Variants in NUP160 observed in about 807,000 individuals in gnomAD.
NUP160 encodes nucleoporin 160.
In NUP160, 94 loss-of-function variants were observed where a neutral mutation model predicts 196.9. The observed-to-expected ratio is 0.48, with a 90% CI of 0.40 to 0.57. The LOEUF (loss-of-function observed/expected upper bound fraction) is 0.57. Ranked by LOEUF, NUP160 falls within the 20% of genes least tolerant of loss-of-function variation. The pLI is 0.00. For synonymous variants in NUP160, 605 were observed against 619.7 expected (o/e 0.98, Z 0.35); for missense variants, 1,638 against 1,748.3 (o/e 0.94, Z 1.13).
intron 23 of NUP160, among the ~76,000 whole-genome samples, chr11:47,801,098 G>A (rs1258635425): frequency 1.3e-5 from 2 of 152,116 alleles, no homozygotes; most frequent in Non-Finnish European, 2.9e-5. Context: ...AAGAGGGGCA[G>A]GAAACAGGTC....
intron 7 of NUP160, among the ~76,000 whole-genome samples, chr11:47,822,841 T>G (rs1443834854): frequency 6.6e-6 from 1 of 152,198 alleles, no homozygotes; most frequent in Non-Finnish European, 1.5e-5. Flanking sequence ...GTCCTTGTGA[T>G]AGTTTTCTCA....
chr11:47,809,465 G>A (rs1278655758), intron 17 of NUP160, among the ~76,000 whole-genome samples: 1 of 151,356 alleles, frequency 6.6e-6, no homozygotes, highest in Non-Finnish European at 1.5e-5. Flanking sequence ...TGTACAGAAA[G>A]TGGCCAGGCA....
chr11:47,846,928 T>A (rs755467268), intron 2 of NUP160, among the ~76,000 whole-genome samples: 10 of 152,182 alleles, frequency 6.6e-5, no homozygotes, highest in Non-Finnish European at 1.2e-4. Context: ...CCTTTTGGAA[T>A]CCCTAGTGTT....
At chr11:47,781,818 C>A (rs1389829453) in intron 34 of NUP160, among the ~76,000 whole-genome samples, 2 of 152,140 alleles carry the variant, frequency 1.3e-5, no homozygotes, top group East Asian at 3.9e-4. Flanking sequence ...CTAACTAATG[C>A]CATATTATTT....
chr11:47,840,650 AAT>A (rs1852277689), intron 2 of NUP160, 62 bp from the exon 3 acceptor site: 12 of 1,325,980 alleles, frequency 9.0e-6, no homozygotes, highest in East Asian at 2.3e-5. Context: ...GTTCTACTGA[AAT>A]ATATGAGAAC....
chr11:47,796,700 A>G (rs1378720664), intron 27 of NUP160, among the ~76,000 whole-genome samples: 1 of 152,202 alleles, frequency 6.6e-6, no homozygotes, highest in Non-Finnish European at 1.5e-5. Context: ...ATTCACCAGG[A>G]TATCATTTGA....
chr11:47,785,332 T>C (rs913697753), intron 32 of NUP160, among the ~76,000 whole-genome samples: 3 of 152,154 alleles, frequency 2.0e-5, no homozygotes, highest in Middle Eastern at 3.4e-3. Context: ...GGACTTGCTA[T>C]GTTGTCCACG....
chr11:47,783,139 A>C (rs1423958351), exon 34 of NUP160: 3 of 1,613,902 alleles, frequency 1.9e-6, no homozygotes, highest in African/African-American at 2.7e-5. Context: ...CCAAATCCAC[A>C]GCTTCTTCTA....
intron 34 of NUP160, 93 bp from the exon 35 acceptor site, chr11:47,780,540 CTTT>C (rs72169400): frequency 0.053 from 22,228 of 416,452 alleles, 2 homozygotes; most frequent in South Asian, 0.083. Flanking sequence ...ATAAAATACC[CTTT>C]TTTTTTTTTT....
chr11:47,825,576 G>A (rs1212044146), intron 7 of NUP160, among the ~76,000 whole-genome samples: 2 of 150,962 alleles, frequency 1.3e-5, no homozygotes, highest in Non-Finnish European at 2.9e-5. Flanking sequence ...CCTCAGCCTC[G>A]CGAGTAGTTG....
intron 13 of NUP160, chr11:47,815,046 T>C (rs2097683542): frequency 1.3e-5 from 2 of 152,198 alleles, no homozygotes; most frequent in Non-Finnish European, 2.9e-5. Context: ...ACCTGACCAA[T>C]ATGATGAAAC....
intron 21 of NUP160, 176 bp downstream of exon 21, chr11:47,804,372 CA>C (rs2097676228): frequency 3.8e-6 from 2 of 526,270 alleles, no homozygotes; most frequent in Non-Finnish European, 6.7e-6. Context: ...CAGACAAAAT[CA>C]AGCAAGTTCA....
chr11:47,840,756 A>C (rs1852279973), intron 2 of NUP160, among the ~76,000 whole-genome samples, 168 bp from the exon 3 acceptor site: 1 of 152,242 alleles, frequency 6.6e-6, no homozygotes, highest in South Asian at 2.1e-4. Flanking sequence ...ATTTATAAAA[A>C]ACAGCATAAC....
chr11:47,819,512 T>C (rs957735679), intron 9 of NUP160, 54 bp from the exon 10 acceptor site: 1 of 1,271,356 alleles, frequency 7.9e-7, no homozygotes, highest in African/African-American at 1.5e-5. Flanking sequence ...AAAAATGAAA[T>C]GTATGCTGTT....
At chr11:47,788,568 T>C in exon 30 of NUP160, 1 of 1,614,146 alleles carries the variant, frequency 6.2e-7, no homozygotes, top group Non-Finnish European at 8.5e-7. Flanking sequence ...AGGAACACTC[T>C]TTCTCCAGAT....
At chr11:47,828,294 CTG>C (rs1852010917) in intron 7 of NUP160, among the ~76,000 whole-genome samples, 1 of 152,160 alleles carries the variant, frequency 6.6e-6, no homozygotes, top group Admixed American at 6.6e-5. Flanking sequence ...CAAAAATCAA[CTG>C]TATTTCTATC....
Position 47,821,825 on chromosome 11 carries a change from G to C in NUP160, c.1180-4C>G. 4 of 1,609,612 alleles carry C rather than the reference G, an allele frequency of 2.5e-6. No individual in the cohort carries two copies. The highest frequency in any genetic ancestry group is 2.2e-5 in the East Asian group (1 of 44,848). The stretch of plus-strand genomic sequence containing the variant: ...AGGCAAAGTCAATCAGTGTCTCCTA[G>C]GAGGAAATGTGGGAAAAAAAGGGAT... On this transcript the variant is annotated splice_region_variant and splice_polypyrimidine_tract_variant and intron_variant, in intron 8 of 35. Transcript: ENST00000378460.
At chr11:47,822,824 G>T (rs985206016) in intron 7 of NUP160, among the ~76,000 whole-genome samples, 6 of 152,092 alleles carry the variant, frequency 3.9e-5, no homozygotes, top group Non-Finnish European at 8.8e-5. Flanking sequence ...GTGGTGTTTG[G>T]TTTTCTGTCC....
In NUP160 at chr11:47,800,633, G is replaced by A. The variant is rs563217606; in HGVS notation, c.2895+1178C>T. Among the ~76,000 whole-genome samples the A allele has an allele frequency of 4.6e-5, 7 of 152,036 alleles. No individual in the cohort carries two copies. In the East Asian group the frequency reaches 5.8e-4, roughly 13 times the overall value. On this transcript the variant is annotated intron_variant, in intron 23 of 35. Coordinates refer to ENST00000378460, the Ensembl canonical transcript of NUP160. The stretch of plus-strand genomic sequence containing the variant: ...TCTCGAACTACTGACCTCGTGATCC[G>A]CCCACCTCAGCCTCCCAAAGTGCTG...
Sources: allele counts gnomAD v4.1 joint callset (sites outside exome capture counted in the v4.1 genomes callset), GRCh38; gene constraint gnomAD v4.1.1; transcripts MANE v1.5; gene names NCBI Gene and HGNC (gene_info 2026-07-23, HGNC 2026-07-21).